The following NTNG1 variants were observed in gnomAD, a reference collection of about 807,000 sequenced individuals.
NTNG1 encodes netrin G1, also known as netrin-G1.
A neutral mutation model predicts 54.0 loss-of-function variants in NTNG1; 16 were observed. The observed-to-expected ratio is 0.30, with a 90% CI of 0.20 to 0.45. The LOEUF is 0.45. Among genes scored for constraint, NTNG1 ranks in the 20% least tolerant of loss-of-function variants. The probability of loss-of-function intolerance (pLI) is 1.00; values close to 1 mark genes in which losing one functional copy is unlikely to be tolerated. For synonymous variants in NTNG1, 255 were observed against 263.1 expected (o/e 0.97, Z 0.30); for missense variants, 530 against 678.7 (o/e 0.78, Z 2.43).
At chr1:107,309,058 C>A (rs1666855010) in intron 2 of NTNG1, among the ~76,000 whole-genome samples, 1 of 152,134 alleles carries the variant, frequency 6.6e-6, no homozygotes, top group Admixed American at 6.6e-5. Flanking sequence ...AATCTTCCAT[C>A]ATCTTGCTCT....
chr1:107,390,865 A>G lies in NTNG1; in HGVS notation c.888-4289A>G, dbSNP rs190139727. On this transcript the variant is annotated intron_variant, in intron 3 of 7. Transcript: ENST00000370068. ...CTCTAGTGAGGATGACAGAATAAGCAATTAAAATACAGTCTACAGTCTATA... is the reference window on the plus strand; with the variant it reads ...CTCTAGTGAGGATGACAGAATAAGCGATTAAAATACAGTCTACAGTCTATA... 8.4e-4 allele frequency among the ~76,000 whole-genome samples: 128 copies of G among 152,316 alleles called. 2 individuals are homozygous for G. Among genetic ancestry groups the G allele is most frequent in the Middle Eastern group, 3.4e-3 (1 of 294 alleles).
intron 2 of NTNG1, among the ~76,000 whole-genome samples, chr1:107,243,923 A>G (rs553877093): frequency 7.2e-5 from 11 of 152,350 alleles, no homozygotes; most frequent in Admixed American, 1.3e-4. Context: ...CATTTTGTCC[A>G]GTGAAGTAAA....
At chr1:107,208,074 C>T (rs765591722) in intron 2 of NTNG1, among the ~76,000 whole-genome samples, 2 of 152,094 alleles carry the variant, frequency 1.3e-5, no homozygotes, top group Non-Finnish European at 2.9e-5. Context: ...GTGCTCAAGG[C>T]GTCGAAGGCA....
At chr1:107,384,883 G>T (rs995369086) in intron 3 of NTNG1, among the ~76,000 whole-genome samples, 1 of 152,122 alleles carries the variant, frequency 6.6e-6, no homozygotes, top group Non-Finnish European at 1.5e-5. Context: ...TTAAACTTTG[G>T]TCATTGCATA....
intron 2 of NTNG1, among the ~76,000 whole-genome samples, chr1:107,175,644 C>T (rs753106378): frequency 5.9e-5 from 9 of 151,322 alleles, no homozygotes; most frequent in Non-Finnish European, 1.0e-4. Context: ...AGTTACAAGA[C>T]AGATGTCTTA....
At chr1:107,470,175 T>C (rs1677887928) in intron 7 of NTNG1, among the ~76,000 whole-genome samples, 2 of 152,158 alleles carry the variant, frequency 1.3e-5, no homozygotes, top group Admixed American at 1.3e-4. Context: ...TCTGAGATAA[T>C]TGGTAGTCCT....
chr1:107,392,078 T>C (rs1158046734), intron 3 of NTNG1, among the ~76,000 whole-genome samples: 1 of 152,056 alleles, frequency 6.6e-6, no homozygotes, highest in African/African-American at 2.4e-5. Flanking sequence ...AGAGTTTAGT[T>C]TGGGGACATA....
intron 7 of NTNG1, among the ~76,000 whole-genome samples, chr1:107,474,499 G>A (rs1022795928): frequency 6.6e-6 from 1 of 152,206 alleles, no homozygotes; most frequent in South Asian, 2.1e-4. Flanking sequence ...GTGTTGAGAA[G>A]CATTTGAAGT....
intron 2 of NTNG1, among the ~76,000 whole-genome samples, chr1:107,180,809 A>G (rs933129718): frequency 6.6e-6 from 1 of 152,194 alleles, no homozygotes; most frequent in African/African-American, 2.4e-5. Context: ...AATAATGGAT[A>G]TATGTGTCCA....
chr1:107,300,353 A>G (rs953361158), intron 2 of NTNG1, among the ~76,000 whole-genome samples: 17 of 152,286 alleles, frequency 1.1e-4, no homozygotes, highest in Admixed American at 3.9e-4. Flanking sequence ...TTGAAAAATG[A>G]GAGAATTTGG....
chr1:107,372,542 CT>C (rs763349238), intron 3 of NTNG1, among the ~76,000 whole-genome samples: 1 of 152,046 alleles, frequency 6.6e-6, no homozygotes, highest in East Asian at 1.9e-4. Context: ...CATTGTATAA[CT>C]TCATTTTAAA....
intron 2 of NTNG1, among the ~76,000 whole-genome samples, chr1:107,291,397 A>G (rs1665594580): frequency 1.3e-5 from 2 of 152,164 alleles, no homozygotes; most frequent in African/African-American, 4.8e-5. Context: ...GGGGAAGTCA[A>G]AAGTTAGGTG....
chr1:107,363,102 G>C lies in NTNG1; in HGVS notation c.888-32052G>C, dbSNP rs145508666. On this transcript the variant is annotated intron_variant, in intron 3 of 7. Transcript: ENST00000370068. ...TGCTTCTTTTTAAAAGTTAATCAAA[G>C]AATTACAGGCAGGTTTTTTCCTTGT... is the stretch of plus-strand genomic sequence containing the variant. 5.3e-4 allele frequency among the ~76,000 whole-genome samples: 81 copies of C among 152,272 alleles called. 1 individual carries two copies. The highest frequency in any genetic ancestry group is 5.0e-3 in the Admixed American group (76 of 15,302).
intron 2 of NTNG1, among the ~76,000 whole-genome samples, chr1:107,205,799 C>T (rs1258285665): frequency 6.6e-6 from 1 of 152,104 alleles, no homozygotes; most frequent in Non-Finnish European, 1.5e-5. Flanking sequence ...TTCAACTGCC[C>T]TTTCAACTTT....
At chr1:107,199,499 C>T (rs1276063238) in intron 2 of NTNG1, among the ~76,000 whole-genome samples, 2 of 151,800 alleles carry the variant, frequency 1.3e-5, no homozygotes, top group Non-Finnish European at 2.9e-5. Flanking sequence ...CTGGATACTA[C>T]TTTATAGTAA....
intron 6 of NTNG1, 108 bp from the exon 7 acceptor site, chr1:107,436,557 C>A: frequency 1.2e-6 from 1 of 846,386 alleles, no homozygotes; most frequent in Non-Finnish European, 1.7e-6. Context: ...CATTAATGGA[C>A]ATCTTTCTTT....
At chr1:107,376,580 C>T (rs951677079) in intron 3 of NTNG1, among the ~76,000 whole-genome samples, 4 of 152,266 alleles carry the variant, frequency 2.6e-5, no homozygotes, top group East Asian at 3.9e-4. Flanking sequence ...CCCACTCTGC[C>T]GTGCCACCTT....
At position 107,158,905 on chromosome 1, in the gene NTNG1, G is replaced by T. The variant is rs570291951; in HGVS notation, c.246+10066G>T. On this transcript the variant is annotated intron_variant, in intron 2 of 7. Transcript: ENST00000370068. ...TAGGTGCCAGAAGACATGAATGTGG[G>T]ATGTGTAAAACTATAAATTGTCTGC... 3.3e-5 allele frequency among the ~76,000 whole-genome samples: 5 copies of T among 152,288 alleles called. No homozygotes were observed. In the South Asian group the frequency reaches 6.2e-4, roughly 19 times the overall value.
intron 2 of NTNG1, among the ~76,000 whole-genome samples, chr1:107,266,433 C>T (rs1254796343): frequency 2.6e-5 from 4 of 151,986 alleles, no homozygotes; most frequent in Non-Finnish European, 5.9e-5. Context: ...AGGAGGAAGA[C>T]AGTGAAGGGG....
Sources: gnomAD v4.1 joint callset for allele counts (sites outside exome capture counted in the v4.1 genomes callset) on GRCh38, gnomAD v4.1.1 for gene constraint, MANE v1.5 for transcripts, NCBI Gene and HGNC (gene_info 2026-07-23, HGNC 2026-07-21) for gene names.